Variants in FSIP2 observed in about 807,000 individuals in gnomAD.
FSIP2 encodes the protein fibrous sheath-interacting protein 2.
FSIP2 carries 367 observed loss-of-function variants against 510.5 expected under a neutral mutation model. The observed-to-expected ratio is 0.72, with a 90% CI of 0.66 to 0.78. FSIP2 has a LOEUF of 0.78. FSIP2 is among the 30% of genes least tolerant of loss of function. FSIP2 has a pLI of 0.00. For synonymous variants in FSIP2, 2,601 were observed against 2,732.2 expected (o/e 0.95, Z 1.50); for missense variants, 7,594 against 7,901.7 (o/e 0.96, Z 1.48).
chr2:185,786,654 G>A (rs1016410), intron 15 of FSIP2, among the ~76,000 whole-genome samples: 47,629 of 151,644 alleles, frequency 0.31, 7,808 homozygotes, highest in Middle Eastern at 0.41. Flanking sequence ...CTCAGTAGTA[G>A]GTGAGTTGAG....
At position 185,790,719 on chromosome 2, in the gene FSIP2, T is replaced by C; in HGVS notation, c.3583T>C (p.Ser1195Pro). 1.3e-6 allele frequency: 2 copies of C among 1,533,834 alleles called. No individual in the cohort carries two copies. Among genetic ancestry groups the C allele is most frequent in the Non-Finnish European group, 1.7e-6 (2 of 1,145,362 alleles). Residue 1195 changes from serine to proline, a missense_variant, in exon 16 of 23, where the codon TCA (serine) becomes CCA (proline). Transcript: ENST00000424728. ...CAATACCACTAAAAGTTCCATTTCATCATCAGTTCATCAGATTTCCTTACA... is the reference window on the plus strand; with the variant it reads ...CAATACCACTAAAAGTTCCATTTCACCATCAGTTCATCAGATTTCCTTACA... ...ISNTTKSSIS[S>P]SVHQISLHNS...
At chr2:185,798,702 A>G (rs1455726563) in intron 16 of FSIP2, among the ~76,000 whole-genome samples, 1 of 151,854 alleles carries the variant, frequency 6.6e-6, no homozygotes, top group Non-Finnish European at 1.5e-5. Flanking sequence ...ACTCTTAAAT[A>G]GACTTACTCC....
Position 185,747,392 on chromosome 2 carries a change from A to G in FSIP2, c.839A>G (p.Gln280Arg), listed in dbSNP as rs1204197643. ...AGAGAAGAGAGGATAGAAGAACAAC[A>G]GCATAGAAACAGAGAAGAGAGTGAC... is the stretch of plus-strand genomic sequence containing the variant. ...VKREERIEEQ[Q>R]HRNREESDRK... Residue 280 changes from glutamine (Q) to arginine (R), a missense_variant, in exon 7 of 23, where the codon CAG (glutamine) becomes CGG (arginine). By Grantham distance (43) the Gln-to-Arg change is conservative. Coordinates refer to ENST00000424728, the MANE Select transcript of FSIP2 (RefSeq NM_173651.4). 1 of 1,529,550 alleles carries G rather than the reference A, an allele frequency of 6.5e-7. No individual in the cohort carries two copies. Among genetic ancestry groups the G allele is most frequent in the East Asian group, 2.5e-5 (1 of 40,752 alleles). The allele number at this position is 1,529,550 out of a possible 1,614,324, so 94.7% of individuals were successfully genotyped here. A position where few individuals can be genotyped will look rare whatever the true frequency, so the allele number is the denominator to read the frequency against.
chr2:185,738,978 C>A lies in FSIP2; in HGVS notation c.84C>A (p.Thr28=). The change falls in exon 1 of 23, where the codon ACC becomes ACA. Residue 28 remains threonine (T), a synonymous_variant. Coordinates refer to ENST00000424728, the MANE Select transcript of FSIP2 (RefSeq NM_173651.4). The part of the protein sequence containing the change: ...KTVASVLAAD[T]QQCRDGVHKT... ...TCGCCAGCGTCCTGGCCGCGGACACCCAGCAGTGCAGAGACGTGAGTGGCC... is the reference window on the plus strand; with the variant it reads ...TCGCCAGCGTCCTGGCCGCGGACACACAGCAGTGCAGAGACGTGAGTGGCC... 1 of 1,533,462 alleles carries A rather than the reference C, an allele frequency of 6.5e-7. No individual in the cohort carries two copies. Among genetic ancestry groups the A allele is most frequent in the South Asian group, 1.2e-5 (1 of 83,926 alleles). 95.0% of individuals were successfully genotyped at this position (1,533,462 alleles called of 1,614,324 possible). A position where few individuals can be genotyped will look rare whatever the true frequency, so the allele number is the denominator to read the frequency against.
rs1693619697 is a variant in FSIP2 at position 185,807,699 on chromosome 2, G to C, written c.18393G>C (p.Gln6131His). Residue 6131 changes from glutamine to histidine, a missense_variant, in exon 17 of 23, where the codon CAG (glutamine) becomes CAC (histidine). Physicochemically the swap from Gln to His is conservative, Grantham distance 24 (BLOSUM62 0). Transcript: ENST00000424728. ...VLREVASNQL[Q>H]SYFCGELTPH... ...GAGAAGTGGCTAGCAATCAGCTGCA[G>C]AGCTATTTTTGTGGAGAGCTAACTC... 4 of 1,612,712 alleles carry C rather than the reference G, an allele frequency of 2.5e-6. No individual in the cohort carries two copies. The highest frequency in any genetic ancestry group is 1.7e-5 in the Admixed American group (1 of 59,842).
chr2:185,801,322 A>G lies in FSIP2; in HGVS notation c.12016A>G (p.Met4006Val). Reference sequence around the variant, plus strand: ...CATCACTGTGTCCTGGCTCAATGAGATGAATACATTATTTGTCAACAATGT... The same window carrying G: ...CATCACTGTGTCCTGGCTCAATGAGGTGAATACATTATTTGTCAACAATGT... Reference protein sequence around the residue: ...KNITVSWLNEMNTLFVNNVVN... With the variant: ...KNITVSWLNEVNTLFVNNVVN... The change falls in exon 17 of 23, where the codon ATG (methionine) becomes GTG (valine). Residue 4006 changes from methionine to valine, a missense_variant. Physicochemically the swap from Met to Val is conservative, Grantham distance 21 (BLOSUM62 1). Transcript: ENST00000424728. The G allele has an allele frequency of 6.5e-7, 1 of 1,533,892 alleles. No individual in the cohort carries two copies. Among genetic ancestry groups the G allele is most frequent in the Non-Finnish European group, 8.7e-7 (1 of 1,145,384 alleles).
At chr2:185,819,214 G>A (rs139010044) in intron 19 of FSIP2, among the ~76,000 whole-genome samples, 12 of 151,918 alleles carry the variant, frequency 7.9e-5, no homozygotes, top group East Asian at 5.9e-4. Context: ...AAGGAAATGA[G>A]AACTGAATCA....
chr2:185,783,778 T>C (rs1045913841), intron 14 of FSIP2: 15 of 152,128 alleles, frequency 9.9e-5, no homozygotes, highest in African/African-American at 3.6e-4. Context: ...CCTACCTCTT[T>C]AAAGAAAAGG....
upstream of FSIP2, chr2:185,738,519 T>G: frequency 7.9e-7 from 1 of 1,258,522 alleles, no homozygotes. Context: ...GAATTTTTAT[T>G]GAACGGAACA....
Position 185,803,972 on chromosome 2 carries a change from A to C in FSIP2, c.14666A>C (p.Asp4889Ala), listed in dbSNP as rs1377103594. 6.7e-7 allele frequency: 1 copy of C among 1,499,304 alleles called. No individual in the cohort carries two copies. Among genetic ancestry groups the C allele is most frequent in the African/African-American group, 1.4e-5 (1 of 71,228 alleles). The allele number at this position is 1,499,304 out of a possible 1,614,324, so 92.9% of individuals were successfully genotyped here. A position where few individuals can be genotyped will look rare whatever the true frequency, so the allele number is the denominator to read the frequency against. Residue 4889 changes from aspartate (D) to alanine (A), a missense_variant, in exon 17 of 23, where the codon GAC (aspartate) becomes GCC (alanine). Transcript: ENST00000424728. ...SITKDKKSIS[D>A]IPVSKIASFI... The stretch of plus-strand genomic sequence containing the variant: ...ACAAAAGATAAAAAGAGCATAAGTG[A>C]CATACCTGTTTCAAAAATAGCGAGT...
At chr2:185,750,692 C>T (rs1179619453) in intron 7 of FSIP2, among the ~76,000 whole-genome samples, 3 of 149,908 alleles carry the variant, frequency 2.0e-5, no homozygotes, top group African/African-American at 7.3e-5. Flanking sequence ...TAATTCAAGA[C>T]CCTTCCTCTT....
chr2:185,814,375 T>A (rs1026215079), intron 18 of FSIP2, among the ~76,000 whole-genome samples: 1 of 152,058 alleles, frequency 6.6e-6, no homozygotes, highest in African/African-American at 2.4e-5. Flanking sequence ...ACATTTTGTG[T>A]GGAGAGCCTA....
chr2:185,785,106 G>A (rs1692939694), intron 14 of FSIP2, among the ~76,000 whole-genome samples: 1 of 152,040 alleles, frequency 6.6e-6, no homozygotes, highest in Non-Finnish European at 1.5e-5. Flanking sequence ...TTGTGCCAAT[G>A]ATATAACATG....
intron 13 of FSIP2, among the ~76,000 whole-genome samples, chr2:185,769,744 T>C (rs1008976173): frequency 7.2e-5 from 11 of 152,226 alleles, no homozygotes; most frequent in Non-Finnish European, 1.2e-4. Context: ...CCAAGGTTTT[T>C]ATAAATAGAG....
At position 185,813,981 on chromosome 2, in the gene FSIP2, C is replaced by T; in HGVS notation, c.20264C>T (p.Ala6755Val). The T allele has an allele frequency of 1.2e-6, 2 of 1,613,338 alleles. No homozygotes were observed. The highest frequency in any genetic ancestry group is 1.7e-6 in the Non-Finnish European group (2 of 1,179,598). Residue 6755 changes from alanine (A) to valine (V), a missense_variant, in exon 18 of 23, where the codon GCC becomes GTC. Coordinates refer to ENST00000424728, the MANE Select transcript of FSIP2 (RefSeq NM_173651.4). ...VKRAVAELDM[A>V]TPKTMPETAS... ...AGAGCTGTTGCTGAGCTTGACATGG[C>T]CACACCAAAGACGATGCCTGAAACA... is the stretch of plus-strand genomic sequence containing the variant.
In FSIP2 at chr2:185,747,308, T is replaced by C; in HGVS notation, c.760-5T>C. 1.4e-6 allele frequency: 2 copies of C among 1,479,112 alleles called. No individual in the cohort carries two copies. Among genetic ancestry groups the C allele is most frequent in the Non-Finnish European group, 1.8e-6 (2 of 1,095,398 alleles). 91.6% of individuals were successfully genotyped at this position (1,479,112 alleles called of 1,614,324 possible). A position where few individuals can be genotyped will look rare whatever the true frequency, so the allele number is the denominator to read the frequency against. ...CACCAAGTGCAGTAACATTGTGATT[T>C]CTAGGAATGGAAGACAAAAGAGATG... is the stretch of plus-strand genomic sequence containing the variant. On this transcript the variant is annotated splice_region_variant and splice_polypyrimidine_tract_variant and intron_variant, in intron 6 of 22. Transcript: ENST00000424728.
chr2:185,830,473 A>G (rs1694087660), intron 21 of FSIP2, among the ~76,000 whole-genome samples: 1 of 151,876 alleles, frequency 6.6e-6, no homozygotes, highest in East Asian at 1.9e-4. Flanking sequence ...GGAATCCCCA[A>G]AGATATCAAA....
rs1228070724 is a variant in FSIP2 at position 185,745,443 on chromosome 2, A to T, written c.492A>T (p.Lys164Asn). The T allele has an allele frequency of 6.5e-7, 1 of 1,531,016 alleles. No individual in the cohort carries two copies. The highest frequency in any genetic ancestry group is 8.7e-7 in the Non-Finnish European group (1 of 1,143,284). The allele number at this position is 1,531,016 out of a possible 1,614,324, so 94.8% of individuals were successfully genotyped here. Residue 164 changes from lysine (K) to asparagine (N), a missense_variant, in exon 5 of 23, where the codon AAA becomes AAT. Physicochemically the swap from Lys to Asn is moderately conservative, Grantham distance 94. Transcript: ENST00000424728. ...TTCTTAAATAGAGAATACTTGCAAA[A>T]CAACTACATAACATACCGGAAAACA... ...NYIKEQRILA[K>N]QLHNIPENNQ...
chr2:185,781,590 T>A (rs1043502163), intron 13 of FSIP2, among the ~76,000 whole-genome samples: 1 of 152,166 alleles, frequency 6.6e-6, no homozygotes, highest in Non-Finnish European at 1.5e-5. Context: ...GTGGCCAATG[T>A]CCCTAGGGCA....
Sources: allele counts gnomAD v4.1 joint callset (sites outside exome capture counted in the v4.1 genomes callset), GRCh38; gene constraint gnomAD v4.1.1; transcripts MANE v1.5; gene names NCBI Gene and HGNC (gene_info 2026-07-23, HGNC 2026-07-21).